Variants in METTL9 observed in about 807,000 individuals in gnomAD.
METTL9 encodes the protein methyltransferase 9, His-X-His N1(pi)-histidine.
Under a neutral mutation model 36.0 loss-of-function variants are expected in METTL9, and 10 were observed. The observed-to-expected ratio is 0.28, with a 90% CI of 0.17 to 0.47. The LOEUF is 0.47. METTL9 is among the 20% of genes least tolerant of loss of function. METTL9 has a pLI of 0.99. For missense variants in METTL9, 246 were observed against 383.5 expected, an observed-to-expected ratio of 0.64 and a Z score of 3.00; for synonymous variants, 175 against 149.7, an observed-to-expected ratio of 1.17 and a Z score of -1.23.
At chr16:21,632,706 C>T (rs1273051359) in intron 4 of METTL9, among the ~76,000 whole-genome samples, 1 of 152,094 alleles carries the variant, frequency 6.6e-6, no homozygotes, top group Non-Finnish European at 1.5e-5. Context: ...ATGAGTAGTC[C>T]AGACAGTGAG....
intron 4 of METTL9, among the ~76,000 whole-genome samples, chr16:21,651,388 G>A (rs1356370301): frequency 2.0e-5 from 3 of 152,120 alleles, no homozygotes; most frequent in African/African-American, 7.2e-5. Context: ...TGAAAGTCCT[G>A]GGCTCAAGTG....
At chr16:21,649,604 C>G (rs1399144799) in intron 4 of METTL9, among the ~76,000 whole-genome samples, 1 of 152,216 alleles carries the variant, frequency 6.6e-6, no homozygotes, top group Non-Finnish European at 1.5e-5. Context: ...TCTGCCAAAA[C>G]TTAGCAAAGT....
chr16:21,618,906 G>A (rs1237063039), intron 3 of METTL9, among the ~76,000 whole-genome samples: 1 of 152,050 alleles, frequency 6.6e-6, no homozygotes, highest in African/African-American at 2.4e-5. Context: ...AGTAGGGATA[G>A]GGTTTCACTA....
intron 1 of METTL9, among the ~76,000 whole-genome samples, chr16:21,601,302 T>TA (rs1388655932): frequency 6.6e-6 from 1 of 152,204 alleles, no homozygotes; most frequent in African/African-American, 2.4e-5. Context: ...ACTGTACAGT[T>TA]ACCAGAATGT....
intron 4 of METTL9, chr16:21,652,540 A>C: frequency 6.2e-7 from 1 of 1,610,946 alleles, no homozygotes; most frequent in African/African-American, 1.3e-5. Context: ...ACCGACACAA[A>C]ATAGAATGAG....
chr16:21,655,331 G>C lies in METTL9; in HGVS notation c.856G>C (p.Val286Leu). ...TGAAGTTTTCAGAAAAGCTGGTTTT[G>C]TTATCGAAGCTTTCACCAGACTACC... is the stretch of plus-strand genomic sequence containing the variant. ...LPEVFRKAGF[V>L]IEAFTRLPYL... is the part of the protein sequence containing the mutation. Residue 286 changes from valine (V) to leucine (L), a missense_variant, in exon 5 of 5, where the codon GTT becomes CTT. Around this residue, in one of 2 missense-constraint regions of METTL9, gnomAD observed 146 missense variants for 302.1 expected, o/e 0.48. Transcript: ENST00000358154. The C allele has an allele frequency of 6.2e-7, 1 of 1,614,244 alleles. No individual in the cohort carries two copies. Among genetic ancestry groups the C allele is most frequent in the African/African-American group, 1.3e-5 (1 of 75,072 alleles).
chr16:21,634,363 C>T (rs113605414), intron 4 of METTL9, among the ~76,000 whole-genome samples: 1 of 152,202 alleles, frequency 6.6e-6, no homozygotes, highest in African/African-American at 2.4e-5. Context: ...GAACCTTTGT[C>T]TTCTGGGGCA....
At chr16:21,603,478 A>G (rs1020892999) in intron 1 of METTL9, among the ~76,000 whole-genome samples, 5 of 152,214 alleles carry the variant, frequency 3.3e-5, no homozygotes, top group Non-Finnish European at 7.3e-5. Flanking sequence ...CAGGGTGGGT[A>G]GATTGACTCA....
Position 21,599,823 on chromosome 16 carries a change from C to T in METTL9, c.90C>T (p.Arg30=), listed in dbSNP as rs939747661. 2 of 1,543,910 alleles carry T rather than the reference C, an allele frequency of 1.3e-6. No homozygotes were observed. The highest frequency in any genetic ancestry group is 1.2e-5 in the South Asian group (1 of 83,940). ...GGACGCTGCGGAGCCCGCTCACCCG[C>T]TCCCTGTACGTGAACATGACTAGCG... The part of the protein sequence containing the change: ...RMWTLRSPLT[R]SLYVNMTSGP... The change falls in exon 1 of 5, where the codon CGC becomes CGT. Residue 30 remains arginine (R), a synonymous_variant. Transcript: ENST00000358154. The surrounding 1 kb of genome is among the most constrained non-coding windows in gnomAD (Gnocchi z 4.4).
At chr16:21,633,746 T>C (rs1966020116) in intron 4 of METTL9, among the ~76,000 whole-genome samples, 1 of 152,226 alleles carries the variant, frequency 6.6e-6, no homozygotes, top group Non-Finnish European at 1.5e-5. Context: ...TTTCAGGGAC[T>C]GCTGCATTTC....
chr16:21,611,607 C>T (rs1216934223), intron 1 of METTL9, among the ~76,000 whole-genome samples: 1 of 152,164 alleles, frequency 6.6e-6, no homozygotes, highest in African/African-American at 2.4e-5. Context: ...ATTCTCACTA[C>T]GTGCTTTGTA....
intron 4 of METTL9, among the ~76,000 whole-genome samples, chr16:21,628,317 A>G (rs1311630606): frequency 1.3e-5 from 2 of 152,170 alleles, no homozygotes; most frequent in Non-Finnish European, 2.9e-5. Context: ...TATTTACACT[A>G]TAGAAATTGG....
In METTL9 at chr16:21,617,926, A is replaced by G; in HGVS notation, c.418A>G (p.Ile140Val). ...SPDQFQRLLKINPDWKTHRLL... is the reference protein window; with the variant it reads ...SPDQFQRLLKVNPDWKTHRLL... Reference sequence around the variant, plus strand: ...AGATCAGTTTCAGAGACTGCTTAAAATTAATCCAGACTGGAAAACCCACAG... The same window carrying G: ...AGATCAGTTTCAGAGACTGCTTAAAGTTAATCCAGACTGGAAAACCCACAG... Residue 140 changes from isoleucine (I) to valine (V), a missense_variant, in exon 3 of 5, where the codon ATT becomes GTT. Coordinates refer to ENST00000358154, the MANE Select transcript of METTL9 (RefSeq NM_016025.5). 1 of 1,614,090 alleles carries G rather than the reference A, an allele frequency of 6.2e-7. No homozygotes were observed. Among genetic ancestry groups the G allele is most frequent in the Non-Finnish European group, 8.5e-7 (1 of 1,180,006 alleles).
In METTL9 at chr16:21,627,247, T is replaced by C. The variant is rs986493512; in HGVS notation, c.751+2132T>C. 12 of 985,252 alleles carry C rather than the reference T, an allele frequency of 1.2e-5. No homozygotes were observed. The African/African-American group carries it at 1.9e-4, about 16-fold the overall frequency. The allele number at this position is 985,252 out of a possible 1,614,324, so 61.0% of individuals were successfully genotyped here. A position where few individuals can be genotyped will look rare whatever the true frequency, so the allele number is the denominator to read the frequency against. The stretch of plus-strand genomic sequence containing the variant: ...TTTTGCTGTGTAGATTCATGAATGC[T>C]GGACTGTTGGAGGATATCTGAGTGT... On this transcript the variant is annotated intron_variant, in intron 4 of 4. Coordinates refer to ENST00000358154, the MANE Select transcript of METTL9 (RefSeq NM_016025.5).
chr16:21,605,307 T>TTC (rs1233264056), intron 1 of METTL9, among the ~76,000 whole-genome samples: 1 of 129,344 alleles, frequency 7.7e-6, no homozygotes, highest in East Asian at 2.3e-4. Context: ...GAGAAACAAG[T>TTC]TCTTACTCTG....
At chr16:21,619,377 T>G (rs42750) in intron 3 of METTL9, among the ~76,000 whole-genome samples, 89,999 of 151,652 alleles carry the variant, frequency 0.59, 27,557 homozygotes, top group South Asian at 0.75. Flanking sequence ...TCATCAGTGT[T>G]AATCTTGGTT....
Position 21,626,899 on chromosome 16 carries a change from T to C in METTL9, c.751+1784T>C, listed in dbSNP as rs539391437. On this transcript the variant is annotated intron_variant, in intron 4 of 4. Transcript: ENST00000358154. ...AGAGCAGGGGGAAGAAACATCAATCTAACCACGAATTTTATTTCCTTGTGT... is the reference window on the plus strand; with the variant it reads ...AGAGCAGGGGGAAGAAACATCAATCCAACCACGAATTTTATTTCCTTGTGT... 8.1e-5 allele frequency: 77 copies of C among 954,706 alleles called. 1 individual carries two copies. The Admixed American group carries it at 1.6e-3, about 20-fold the overall frequency. The allele number at this position is 954,706 out of a possible 1,614,324, so 59.1% of individuals were successfully genotyped here. A position where few individuals can be genotyped will look rare whatever the true frequency, so the allele number is the denominator to read the frequency against.
intron 4 of METTL9, among the ~76,000 whole-genome samples, chr16:21,651,185 T>C (rs1315739924): frequency 1.3e-4 from 20 of 152,170 alleles, no homozygotes. Flanking sequence ...ATCTTGCCAC[T>C]GCACTCCAGC....
rs1227096079 is a variant in METTL9, at chr16:21,623,262, G to A, written c.567-1669G>A. ...TTTGTTAGGCTGCTATTTGGAAGAG[G>A]CTTTAGTTTGACAAAAATATAGATT... On this transcript the variant is annotated intron_variant, in intron 3 of 4. Transcript: ENST00000358154. Among the ~76,000 whole-genome samples, 6 of 152,160 alleles carry A rather than the reference G, an allele frequency of 3.9e-5. 1 individual carries two copies. The East Asian group carries it at 9.6e-4, about 24-fold the overall frequency.
Sources: allele counts gnomAD v4.1 joint callset (sites outside exome capture counted in the v4.1 genomes callset), GRCh38; gene constraint gnomAD v4.1.1; regional missense constraint gnomAD v4.1.1; non-coding constraint Gnocchi (gnomAD v3.1); transcripts MANE v1.5; gene names NCBI Gene and HGNC (gene_info 2026-07-23, HGNC 2026-07-21).